The following ABCA3 variants were observed in gnomAD, a reference collection of about 807,000 sequenced individuals.
ABCA3 encodes phospholipid-transporting ATPase ABCA3.
ABCA3 carries 88 observed loss-of-function variants against 172.8 expected under a neutral mutation model. That is an observed-to-expected ratio of 0.51 (90% CI 0.43 to 0.61). The LOEUF is 0.61. ABCA3 is among the 20% of genes least tolerant of loss of function. The probability of loss-of-function intolerance (pLI) is 0.00; values close to 1 mark genes in which losing one functional copy is unlikely to be tolerated. For synonymous variants in ABCA3, 1,066 were observed against 983.8 expected, an observed-to-expected ratio of 1.08 and a Z score of -1.56; for missense variants, 2,164 against 2,301.0, an observed-to-expected ratio of 0.94 and a Z score of 1.22.
chr16:2,299,553 G>A (rs377078070), intron 13 of ABCA3, 21 bp from the exon 14 acceptor site: 3 of 1,611,540 alleles, frequency 1.9e-6, no homozygotes, highest in African/African-American at 2.7e-5. Context: ...GGCAGAGGCT[G>A]CCCTGGGCTA....
chr16:2,291,612 G>C (rs2093672153), intron 19 of ABCA3, among the ~76,000 whole-genome samples: 1 of 152,212 alleles, frequency 6.6e-6, no homozygotes, highest in Admixed American at 6.5e-5. Context: ...GGCAGTGCAG[G>C]CCCCTCACGT....
chr16:2,319,618 G>A lies in ABCA3; in HGVS notation c.836C>T (p.Ala279Val). Residue 279 changes from alanine (A) to valine (V), a missense_variant, in exon 8 of 33, where the codon GCC (alanine) becomes GTC (valine). Physicochemically the swap from Ala to Val is moderately conservative, Grantham distance 64. Coordinates refer to ENST00000301732, the MANE Select transcript of ABCA3 (RefSeq NM_001089.3). ...TTCCTTCTCCTGCACGACAGCACGGGCAATGGTGAGCGCGGTGTAGGTGAA... is the reference window on the plus strand; with the variant it reads ...TTCCTTCTCCTGCACGACAGCACGGACAATGGTGAGCGCGGTGTAGGTGAA... The part of the protein sequence containing the change: ...LSFTYTALTI[A>V]RAVVQEKERR... The A allele has an allele frequency of 2.5e-6, 4 of 1,613,368 alleles. No homozygotes were observed. The highest frequency in any genetic ancestry group is 2.2e-5 in the South Asian group (2 of 91,086).
chr16:2,316,993 G>A (rs1448819446), intron 10 of ABCA3, among the ~76,000 whole-genome samples: 3 of 152,182 alleles, frequency 2.0e-5, no homozygotes, highest in East Asian at 1.9e-4. Context: ...AACTGTCACC[G>A]CAAGGCTCTG....
chr16:2,318,759 C>T (rs1377705190), intron 8 of ABCA3, among the ~76,000 whole-genome samples: 2 of 152,082 alleles, frequency 1.3e-5, no homozygotes, highest in Non-Finnish European at 2.9e-5. Context: ...GTGATCCGCC[C>T]ACCTCGACCT....
At chr16:2,296,038 T>G (rs1181117489) in intron 17 of ABCA3, among the ~76,000 whole-genome samples, 2 of 152,068 alleles carry the variant, frequency 1.3e-5, no homozygotes, top group African/African-American at 4.8e-5. Flanking sequence ...AAGGATATCA[T>G]CAGCAGCGAC....
Position 2,278,457 on chromosome 16 carries a change from C to A in ABCA3, c.4549G>T (p.Gly1517Cys). Residue 1517 changes from glycine (G) to cysteine (C), a missense_variant and splice_region_variant, in exon 30 of 33, where the codon GGT becomes TGT. Physicochemically the swap from Gly to Cys is radical, Grantham distance 159 (BLOSUM62 -3). This residue lies in a region of ABCA3 where 795 missense variants were observed against 881.9 expected (regional missense o/e 0.90). Coordinates refer to ENST00000301732, the MANE Select transcript of ABCA3 (RefSeq NM_001089.3). The surrounding 1 kb of genome is among the most constrained non-coding windows in gnomAD (Gnocchi z 4.4). ...HANKLVRTYS[G>C]GNKRKLSTGI... ...GTGCTCAGCTTCCGCTTGTTACCAC[C>A]ACTAGAGGCAGGAGGGTGCCAGGTG... 1 of 1,611,600 alleles carries A rather than the reference C, an allele frequency of 6.2e-7. No homozygotes were observed. The highest frequency in any genetic ancestry group is 8.5e-7 in the Non-Finnish European group (1 of 1,180,006).
At chr16:2,331,283 C>T (rs569127304) in intron 1 of ABCA3, among the ~76,000 whole-genome samples, 1 of 152,250 alleles carries the variant, frequency 6.6e-6, no homozygotes, top group East Asian at 1.9e-4. Flanking sequence ...CGGCTCACAA[C>T]AACCTCCACC....
Position 2,277,568 on chromosome 16 carries a change from GCCCAGTGGGGC to G in ABCA3, c.4983+18_4983+28del. 1 of 1,611,120 alleles carries G rather than the reference GCCCAGTGGGGC, an allele frequency of 6.2e-7. No homozygotes were observed. Among genetic ancestry groups the G allele is most frequent in the South Asian group, 1.1e-5 (1 of 90,868 alleles). ...AGGGACCTCCCCCTGCCCCATGAGT[GCCCAGTGGGGC>G]CCCAGGGACTGCCTCACCTTCGCCC... On this transcript the variant is annotated intron_variant, in intron 32 of 32. Transcript: ENST00000301732. This position sits in a 1 kb window ranked among gnomAD's most constrained non-coding sequence, Gnocchi z 5.3.
rs1403412445 is a variant in ABCA3, at chr16:2,285,729, A to C, written c.3279-83T>G. 2.2e-6 allele frequency: 3 copies of C among 1,395,126 alleles called. No individual in the cohort carries two copies. In the African/African-American group the frequency reaches 4.3e-5, roughly 20 times the overall value. 86.4% of individuals were successfully genotyped at this position (1,395,126 alleles called of 1,614,324 possible). A position where few individuals can be genotyped will look rare whatever the true frequency, so the allele number is the denominator to read the frequency against. ...GTCGGGTTCTCGGTTATGACCGCCC[A>C]AGGCATGCAGGGCAGCAGCCCAACC... is the stretch of plus-strand genomic sequence containing the variant. On this transcript the variant is annotated intron_variant, in intron 22 of 32. Coordinates refer to ENST00000301732, the MANE Select transcript of ABCA3 (RefSeq NM_001089.3). The surrounding 1 kb of genome is among the most constrained non-coding windows in gnomAD (Gnocchi z 4.7).
In ABCA3 at chr16:2,284,129, C is replaced by A. The variant is rs1404318372; in HGVS notation, c.3862+150G>T. On this transcript the variant is annotated intron_variant, in intron 25 of 32. Transcript: ENST00000301732. This position sits in a 1 kb window ranked among gnomAD's most constrained non-coding sequence, Gnocchi z 5.9. The stretch of plus-strand genomic sequence containing the variant: ...GGAGCGAGCGGGCGCGAGGGGGCTG[C>A]TGTGGGAGGTGGGGCAAGGCGGTAC... 2.0e-6 allele frequency: 2 copies of A among 1,004,826 alleles called. No homozygotes were observed. Among genetic ancestry groups the A allele is most frequent in the African/African-American group, 1.6e-5 (1 of 61,322 alleles). The allele number at this position is 1,004,826 out of a possible 1,614,324, so 62.2% of individuals were successfully genotyped here. A position where few individuals can be genotyped will look rare whatever the true frequency, so the allele number is the denominator to read the frequency against.
At chr16:2,307,035 AAAAAG>A (rs1567347054) in intron 11 of ABCA3, among the ~76,000 whole-genome samples, 3 of 147,960 alleles carry the variant, frequency 2.0e-5, no homozygotes, top group East Asian at 4.2e-4. Context: ...AAAAAAAAAA[AAAAAG>A]AAAAGAAAAG....
In ABCA3 at chr16:2,285,309, C is replaced by T. The variant is rs999957037; in HGVS notation, c.3483+133G>A. ...CGAGGGGGCAGCCGCCAGGGGATTC[C>T]AGCTGTCCTCCCTGAGTCGGGCCGA... On this transcript the variant is annotated intron_variant, in intron 23 of 32. Transcript: ENST00000301732. The surrounding 1 kb of genome is among the most constrained non-coding windows in gnomAD (Gnocchi z 4.7). 6 of 1,137,932 alleles carry T rather than the reference C, an allele frequency of 5.3e-6. No homozygotes were observed. Among genetic ancestry groups the T allele is most frequent in the African/African-American group, 4.6e-5 (3 of 65,174 alleles). The allele number at this position is 1,137,932 out of a possible 1,614,324, so 70.5% of individuals were successfully genotyped here.
rs896928717 is a variant in ABCA3, at chr16:2,281,277, A to G, written c.4165-56T>C. On this transcript the variant is annotated intron_variant, in intron 27 of 32. Coordinates refer to ENST00000301732, the MANE Select transcript of ABCA3 (RefSeq NM_001089.3). This position sits in a 1 kb window ranked among gnomAD's most constrained non-coding sequence, Gnocchi z 4.7. ...CGGAGGCCTGGACGCAAAGCAGAGC[A>G]GTCTGAGCCTCAGCGCCGAAAGCTT... 2.5e-6 allele frequency: 4 copies of G among 1,613,146 alleles called. No individual in the cohort carries two copies. The highest frequency in any genetic ancestry group is 3.4e-6 in the Non-Finnish European group (4 of 1,179,834).
At position 2,329,753 on chromosome 16, in the gene ABCA3, G is replaced by A. The variant is rs2093740172; in HGVS notation, c.-437C>T. ...CAGAGGGCTCCGGGGTGGGGCCTGA[G>A]AGCCTCTGGAGTGGGGCAGGGCAAC... On this transcript the variant is annotated 5_prime_UTR_variant, in exon 2 of 33. Coordinates refer to ENST00000301732, the MANE Select transcript of ABCA3 (RefSeq NM_001089.3). 1 of 152,334 alleles carries A rather than the reference G, an allele frequency of 6.6e-6. No homozygotes were observed. The highest frequency in any genetic ancestry group is 6.5e-5 in the Admixed American group (1 of 15,286). The allele number at this position is 152,334 out of a possible 1,614,324, so 9.4% of individuals were successfully genotyped here.
chr16:2,309,898 G>A (rs2093703805), intron 10 of ABCA3, among the ~76,000 whole-genome samples: 1 of 152,098 alleles, frequency 6.6e-6, no homozygotes, highest in African/African-American at 2.4e-5. Flanking sequence ...GGGATTACAG[G>A]TCTGAGCCAC....
chr16:2,304,004 A>G lies in ABCA3; in HGVS notation c.1432T>C (p.Phe478Leu), dbSNP rs368903234. The G allele has an allele frequency of 4.7e-5, 76 of 1,614,058 alleles. No homozygotes were observed. Among genetic ancestry groups the G allele is most frequent in the Non-Finnish European group, 6.1e-5 (72 of 1,180,026 alleles). The change falls in exon 12 of 33, where the codon TTC (phenylalanine) becomes CTC (leucine). Residue 478 changes from phenylalanine to leucine, a missense_variant. Phe to Leu is a conservative substitution (Grantham distance 22). This residue lies in a region of ABCA3 where 1,343 missense variants were observed against 1,369.6 expected (regional missense o/e 0.98). Coordinates refer to ENST00000301732, the MANE Select transcript of ABCA3 (RefSeq NM_001089.3). The stretch of plus-strand genomic sequence containing the variant: ...AAGTACCAGGGCTGAGGCACGCCGA[A>G]CTGCCCTGGGAAGACGGCCTCCATG... ...WYMEAVFPGQ[F>L]GVPQPWYFFI...
intron 28 of ABCA3, 77 bp downstream of exon 28, chr16:2,280,950 C>T (rs1596829422): frequency 6.4e-7 from 1 of 1,567,270 alleles, no homozygotes; most frequent in East Asian, 2.2e-5. Flanking sequence ...GGACAGCATC[C>T]CTCTGTCCCT....
At chr16:2,312,360 G>C (rs2141723631) in intron 10 of ABCA3, among the ~76,000 whole-genome samples, 1 of 152,210 alleles carries the variant, frequency 6.6e-6, no homozygotes, top group East Asian at 1.9e-4. Flanking sequence ...TCAAGCAACT[G>C]TACATGTACT....
Position 2,285,043 on chromosome 16 carries a change from G to A in ABCA3, c.3484-45C>T. 1.3e-6 allele frequency: 2 copies of A among 1,590,040 alleles called. No homozygotes were observed. The highest frequency in any genetic ancestry group is 2.2e-5 in the South Asian group (2 of 89,192). The stretch of plus-strand genomic sequence containing the variant: ...CGCTGCTGTGCATGCCAAGCTGAGA[G>A]GAGCTCACGGGTAGGGAAGGGGTGA... On this transcript the variant is annotated intron_variant, in intron 23 of 32. Transcript: ENST00000301732. The surrounding 1 kb of genome is among the most constrained non-coding windows in gnomAD (Gnocchi z 4.7).
Sources: gnomAD v4.1 joint callset for allele counts (sites outside exome capture counted in the v4.1 genomes callset) on GRCh38, gnomAD v4.1.1 for gene constraint, gnomAD v4.1.1 regional missense constraint, Gnocchi (gnomAD v3.1) non-coding constraint, MANE v1.5 for transcripts, NCBI Gene and HGNC (gene_info 2026-07-23, HGNC 2026-07-21) for gene names.